Variants in ADAMTSL1 observed in about 807,000 individuals in gnomAD.
ADAMTSL1 encodes ADAMTS-like protein 1.
In ADAMTSL1, 126 loss-of-function variants were observed where a neutral mutation model predicts 201.8. The ratio of observed to expected loss-of-function variants is 0.62; its 90% CI spans 0.54 to 0.72. The LOEUF is 0.72. Ranked by LOEUF, ADAMTSL1 falls within the 30% of genes least tolerant of loss-of-function variation. ADAMTSL1 has a pLI of 0.00. For missense variants in ADAMTSL1, 2,679 were observed against 2,277.8 expected (o/e 1.18, Z -3.59); for synonymous variants, 1,121 against 903.4 (o/e 1.24, Z -4.32).
chr9:18,454,817 C>T (rs1344916708), intron 2 of ADAMTSL1, among the ~76,000 whole-genome samples: 1 of 152,038 alleles, frequency 6.6e-6, no homozygotes, highest in Non-Finnish European at 1.5e-5. Flanking sequence ...TACTGGTTTG[C>T]AAATTAGAAA....
intron 1 of ADAMTSL1, among the ~76,000 whole-genome samples, chr9:18,006,806 C>T (rs549945657): frequency 6.6e-6 from 1 of 152,068 alleles, no homozygotes; most frequent in South Asian, 2.1e-4. Context: ...CGACATTTTA[C>T]CTCATTTGGG....
intron 1 of ADAMTSL1, among the ~76,000 whole-genome samples, chr9:18,474,777 T>G (rs1821370055): frequency 6.6e-6 from 1 of 152,228 alleles, no homozygotes; most frequent in South Asian, 2.1e-4. Context: ...AATGAGAGCC[T>G]CTTTGCAGCC....
At chr9:18,363,323 T>C (rs1224489945) in intron 2 of ADAMTSL1, among the ~76,000 whole-genome samples, 1 of 152,200 alleles carries the variant, frequency 6.6e-6, no homozygotes, top group Non-Finnish European at 1.5e-5. Context: ...AAGTAAACAA[T>C]CATAAACTCA....
chr9:18,108,136 TA>T (rs931100180), intron 1 of ADAMTSL1, among the ~76,000 whole-genome samples: 10 of 151,912 alleles, frequency 6.6e-5, no homozygotes, highest in African/African-American at 2.4e-4. Context: ...CCAAGAATCT[TA>T]AAATTGAAAG....
intron 2 of ADAMTSL1, among the ~76,000 whole-genome samples, chr9:18,397,636 C>A (rs955828923): frequency 1.3e-5 from 2 of 152,052 alleles, no homozygotes; most frequent in Admixed American, 6.6e-5. Flanking sequence ...TGTTTTCAGT[C>A]TGAATTCATG....
At chr9:18,089,465 G>A (rs187780768) in intron 1 of ADAMTSL1, among the ~76,000 whole-genome samples, 23 of 152,036 alleles carry the variant, frequency 1.5e-4, no homozygotes, top group African/African-American at 4.6e-4. Flanking sequence ...GGGCCTGTCG[G>A]GGGGTGGGGA....
chr9:18,270,291 C>G (rs1331601336), intron 2 of ADAMTSL1, among the ~76,000 whole-genome samples: 2 of 151,942 alleles, frequency 1.3e-5, no homozygotes, highest in African/African-American at 4.8e-5. Flanking sequence ...AGGACTCAGC[C>G]CTCATGATTT....
At chr9:18,719,242 T>C (rs1365270493) in intron 14 of ADAMTSL1, among the ~76,000 whole-genome samples, 1 of 152,240 alleles carries the variant, frequency 6.6e-6, no homozygotes, top group African/African-American at 2.4e-5. Flanking sequence ...GGCCATGATA[T>C]ATTTAAATTA....
rs71333054 is a variant in ADAMTSL1, at chr9:18,634,858, A to AATAT, written c.602-1072_602-1069dup. On this transcript the variant is annotated intron_variant, in intron 5 of 28. Coordinates refer to ENST00000380548, the MANE Select transcript of ADAMTSL1 (RefSeq NM_001040272.6). ...CTCAAAAAAAAAAAAAGAATATGTA[A>AATAT]ATATATATATATATATTTATATATA... is the stretch of plus-strand genomic sequence containing the variant. Among the ~76,000 whole-genome samples the AATAT allele has an allele frequency of 1.8e-3, 210 of 119,396 alleles. 2 individuals are homozygous for AATAT. Among genetic ancestry groups the AATAT allele is most frequent in the East Asian group, 5.0e-3 (23 of 4,592 alleles). The allele number at this position is 119,396 out of a possible 152,430, so 78.3% of individuals were successfully genotyped here.
chr9:18,609,103 T>G (rs1303568408), intron 4 of ADAMTSL1, among the ~76,000 whole-genome samples: 1 of 152,100 alleles, frequency 6.6e-6, no homozygotes, highest in Non-Finnish European at 1.5e-5. Context: ...GCACCTTAGG[T>G]TTTAGAAGAA....
intron 1 of ADAMTSL1, among the ~76,000 whole-genome samples, chr9:17,960,367 T>A (rs1488357454): frequency 3.3e-5 from 5 of 152,208 alleles, no homozygotes; most frequent in African/African-American, 1.2e-4. Flanking sequence ...ACATCGCTAA[T>A]TTCCTAGCTA....
intron 2 of ADAMTSL1, among the ~76,000 whole-genome samples, chr9:18,206,961 T>C (rs1404624952): frequency 1.3e-5 from 2 of 151,940 alleles, no homozygotes; most frequent in Non-Finnish European, 2.9e-5. Flanking sequence ...GGTCAGGAGT[T>C]TGAGATCAGC....
intron 2 of ADAMTSL1, among the ~76,000 whole-genome samples, chr9:18,198,243 C>A (rs367912439): frequency 3.3e-5 from 5 of 151,338 alleles, no homozygotes; most frequent in African/African-American, 7.3e-5. Context: ...GCAACAAAAG[C>A]CAAAATTGAC....
At chr9:18,348,571 A>G (rs778808469) in intron 2 of ADAMTSL1, among the ~76,000 whole-genome samples, 6 of 152,246 alleles carry the variant, frequency 3.9e-5, no homozygotes, top group Non-Finnish European at 8.8e-5. Context: ...CATTCATTCT[A>G]TAACTCATAG....
rs1161833195 is a variant in ADAMTSL1 at position 18,059,592 on chromosome 9, T to C, written c.88-104270T>C. On this transcript the variant is annotated intron_variant, in intron 1 of 29. Coordinates refer to the ADAMTSL1 transcript ENST00000680146. ...CAGACAATGATAAAGAAGTGAATGG[T>C]TTTATACACACATTATCACTTGTAC... 2.6e-5 allele frequency among the ~76,000 whole-genome samples: 4 copies of C among 152,096 alleles called. No individual in the cohort carries two copies. The East Asian group carries it at 7.7e-4, about 29-fold the overall frequency.
At chr9:18,489,365 G>A (rs1315237119) in intron 1 of ADAMTSL1, among the ~76,000 whole-genome samples, 1 of 152,134 alleles carries the variant, frequency 6.6e-6, no homozygotes, top group African/African-American at 2.4e-5. Context: ...AAATTGTTAA[G>A]TCTATATGTG....
intron 14 of ADAMTSL1, among the ~76,000 whole-genome samples, chr9:18,710,731 T>C (rs1832531371): frequency 1.3e-5 from 2 of 148,932 alleles, no homozygotes; most frequent in Middle Eastern, 7.0e-3. Flanking sequence ...TAGTTTACAT[T>C]TGGCCACCTC....
intron 2 of ADAMTSL1, among the ~76,000 whole-genome samples, chr9:18,291,194 G>A (rs986664647): frequency 3.3e-5 from 5 of 152,170 alleles, no homozygotes; most frequent in African/African-American, 1.2e-4. Context: ...AGAATTAAAT[G>A]AGACTTAATT....
At chr9:18,794,980 T>G (rs1321243816) in intron 19 of ADAMTSL1, among the ~76,000 whole-genome samples, 1 of 152,210 alleles carries the variant, frequency 6.6e-6, no homozygotes, top group Non-Finnish European at 1.5e-5. Flanking sequence ...CTACGTTCTT[T>G]CAACCATCCA....
Sources: allele counts gnomAD v4.1 joint callset (sites outside exome capture counted in the v4.1 genomes callset), GRCh38; gene constraint gnomAD v4.1.1; transcripts MANE v1.5; gene names NCBI Gene and HGNC (gene_info 2026-07-23, HGNC 2026-07-21).